MSRA: variants seen among roughly 807,000 people sequenced by gnomAD.
MSRA encodes the protein methionine sulfoxide reductase A, also known as mitochondrial peptide methionine sulfoxide reductase.
MSRA carries 54 observed loss-of-function variants against 31.3 expected under a neutral mutation model. That is an observed-to-expected ratio of 1.73 (90% confidence interval 1.39 to 2.17). The LOEUF (loss-of-function observed/expected upper bound fraction) is 2.17. Ranked by LOEUF, MSRA falls within the 30% of genes most tolerant of loss-of-function variation. The pLI, the probability that MSRA is intolerant of heterozygous loss-of-function variation, is 0.00. For synonymous variants in MSRA, 169 were observed against 116.5 expected (o/e 1.45, Z -2.90); for missense variants, 507 against 300.9 (o/e 1.69, Z -5.07).
At chr8:10,284,491 G>A (rs773495020) in intron 3 of MSRA, among the ~76,000 whole-genome samples, 8 of 152,290 alleles carry the variant, frequency 5.3e-5, no homozygotes, top group Non-Finnish European at 1.0e-4. Context: ...AACATGCCCG[G>A]CACGGAATGA....
In MSRA at chr8:10,323,380, G is replaced by C. The variant is rs374847947; in HGVS notation, c.543+3391G>C. Among the ~76,000 whole-genome samples the C allele has an allele frequency of 1.9e-3, 291 of 152,254 alleles. 1 individual carries two copies. Among genetic ancestry groups the C allele is most frequent in the Middle Eastern group, 3.4e-3 (1 of 294 alleles). On this transcript the variant is annotated intron_variant, in intron 5 of 5. Transcript: ENST00000317173. ...TCTAGGGTACCAAGAGTAATACCAAGCGACTCTGGAAGCATATTAACTGCC... is the reference window on the plus strand; with the variant it reads ...TCTAGGGTACCAAGAGTAATACCAACCGACTCTGGAAGCATATTAACTGCC...
At chr8:10,164,074 G>A (rs977405612) in intron 1 of MSRA, among the ~76,000 whole-genome samples, 2 of 152,128 alleles carry the variant, frequency 1.3e-5, no homozygotes, top group African/African-American at 2.4e-5. Flanking sequence ...TTTCTTTTCT[G>A]TTCTCCTGTT....
At chr8:10,371,472 C>T (rs1007716714) in intron 5 of MSRA, among the ~76,000 whole-genome samples, 4 of 152,122 alleles carry the variant, frequency 2.6e-5, no homozygotes, top group African/African-American at 9.7e-5. Flanking sequence ...TTAGGGGTGA[C>T]ATAATTGTTT....
At chr8:10,285,903 G>A (rs1799910080) in intron 3 of MSRA, among the ~76,000 whole-genome samples, 1 of 152,014 alleles carries the variant, frequency 6.6e-6, no homozygotes, top group Non-Finnish European at 1.5e-5. Flanking sequence ...ATTTCTGTAT[G>A]TGTGACATTT....
chr8:10,292,912 A>G (rs1800322861), intron 3 of MSRA, among the ~76,000 whole-genome samples: 1 of 152,124 alleles, frequency 6.6e-6, no homozygotes, highest in Non-Finnish European at 1.5e-5. Flanking sequence ...TTGCTGTCAT[A>G]CCAGTGATGG....
chr8:10,073,320 T>C (rs895381517), intron 1 of MSRA, among the ~76,000 whole-genome samples: 2 of 152,170 alleles, frequency 1.3e-5, no homozygotes, highest in Non-Finnish European at 2.9e-5. Context: ...AGTGTTTTTA[T>C]CAGGAAAAGG....
At chr8:10,363,738 C>CACACACACACA (rs377334413) in intron 5 of MSRA, among the ~76,000 whole-genome samples, 6 of 103,288 alleles carry the variant, frequency 5.8e-5, no homozygotes, top group African/African-American at 2.0e-4. Context: ...GATGCAGTCA[C>CACACACACACA]CACACACACA....
intron 1 of MSRA, among the ~76,000 whole-genome samples, chr8:10,197,233 C>A (rs193261192): frequency 6.6e-6 from 1 of 152,122 alleles, no homozygotes; most frequent in East Asian, 1.9e-4. Context: ...AAATTTCCAT[C>A]AATTAATGTA....
At chr8:10,173,050 A>G (rs545002983) in intron 1 of MSRA, among the ~76,000 whole-genome samples, 2 of 152,382 alleles carry the variant, frequency 1.3e-5, no homozygotes, top group Admixed American at 1.3e-4. Context: ...AAGCATGTAT[A>G]AAGACCATTT....
At chr8:10,117,976 G>A (rs73664923) in intron 1 of MSRA, among the ~76,000 whole-genome samples, 55 of 152,244 alleles carry the variant, frequency 3.6e-4, no homozygotes, top group African/African-American at 1.1e-3. Context: ...ATAAGAAACC[G>A]TTCATCACTC....
chr8:10,097,180 G>C (rs1228292459), intron 1 of MSRA, among the ~76,000 whole-genome samples: 1 of 152,058 alleles, frequency 6.6e-6, no homozygotes, highest in Non-Finnish European at 1.5e-5. Flanking sequence ...AAATATGATT[G>C]AAAAATATAT....
chr8:10,238,429 A>T (rs1310974144), intron 2 of MSRA, among the ~76,000 whole-genome samples: 1 of 152,212 alleles, frequency 6.6e-6, no homozygotes, highest in African/African-American at 2.4e-5. Context: ...TAGAGTATAC[A>T]CACTAAACAG....
At chr8:10,268,788 A>G (rs908298835) in intron 3 of MSRA, among the ~76,000 whole-genome samples, 2 of 152,248 alleles carry the variant, frequency 1.3e-5, no homozygotes, top group African/African-American at 4.8e-5. Context: ...ACATTACACC[A>G]TTAAATGGAT....
intron 3 of MSRA, among the ~76,000 whole-genome samples, chr8:10,265,028 G>A (rs1798673858): frequency 6.6e-6 from 1 of 152,164 alleles, no homozygotes; most frequent in South Asian, 2.1e-4. Context: ...AACAGACTGA[G>A]GTATTTGTCT....
At chr8:10,219,048 C>G (rs1810251291) in intron 2 of MSRA, among the ~76,000 whole-genome samples, 1 of 152,160 alleles carries the variant, frequency 6.6e-6, no homozygotes, top group Admixed American at 6.5e-5. Context: ...CCCTCAGTAG[C>G]TCAGGTTTAA....
chr8:10,366,594 C>T (rs1394861366), intron 5 of MSRA, among the ~76,000 whole-genome samples: 2 of 152,240 alleles, frequency 1.3e-5, no homozygotes, highest in Admixed American at 6.5e-5. Context: ...AGAGTGGCAT[C>T]TCCCTTTGGA....
chr8:10,407,044 A>T (rs760928325), intron 5 of MSRA, among the ~76,000 whole-genome samples: 111 of 152,028 alleles, frequency 7.3e-4, no homozygotes, highest in Non-Finnish European at 1.2e-3. Flanking sequence ...CACTTGGCTA[A>T]TTTTTTTATT....
intron 1 of MSRA, among the ~76,000 whole-genome samples, chr8:10,151,071 G>C (rs745858490): frequency 7.2e-5 from 11 of 151,830 alleles, no homozygotes; most frequent in Non-Finnish European, 1.0e-4. Context: ...CCTCTATCTA[G>C]TTGGGATCCG....
At chr8:10,065,922 G>C (rs1434270039) in intron 1 of MSRA, among the ~76,000 whole-genome samples, 1 of 151,704 alleles carries the variant, frequency 6.6e-6, no homozygotes, top group Non-Finnish European at 1.5e-5. Flanking sequence ...TACCGTGCCT[G>C]TGCTGAGATA....
Sources: gnomAD v4.1 joint callset for allele counts (sites outside exome capture counted in the v4.1 genomes callset) on GRCh38, gnomAD v4.1.1 for gene constraint, MANE v1.5 for transcripts, NCBI Gene and HGNC (gene_info 2026-07-23, HGNC 2026-07-21) for gene names.